MACROD2: variants seen among roughly 807,000 people sequenced by gnomAD.
MACROD2 encodes mono-ADP ribosylhydrolase 2.
MACROD2 carries 36 observed loss-of-function variants against 70.4 expected under a neutral mutation model. The observed-to-expected ratio is 0.51, with a 90% CI of 0.39 to 0.68. The LOEUF (loss-of-function observed/expected upper bound fraction) is 0.68, where lower values mean the gene tolerates loss of function less well. Among genes scored for constraint, MACROD2 ranks in the 30% least tolerant of loss-of-function variants. The probability of loss-of-function intolerance (pLI) is 0.00; values close to 1 mark genes in which losing one functional copy is unlikely to be tolerated. For missense variants in MACROD2, 496 were observed against 538.4 expected, an observed-to-expected ratio of 0.92 and a Z score of 0.78; for synonymous variants, 172 against 178.8, an observed-to-expected ratio of 0.96 and a Z score of 0.30.
chr20:15,133,729 T>C (rs2076123898), intron 5 of MACROD2, among the ~76,000 whole-genome samples: 1 of 152,128 alleles, frequency 6.6e-6, no homozygotes, highest in Admixed American at 6.5e-5. Flanking sequence ...TCCAGCTTTA[T>C]TTATACACCC....
chr20:15,696,558 T>C (rs991149831), intron 8 of MACROD2, among the ~76,000 whole-genome samples: 2 of 152,162 alleles, frequency 1.3e-5, no homozygotes, highest in African/African-American at 4.8e-5. Context: ...GCTGGCTTCA[T>C]AGAATGAATT....
chr20:15,942,736 A>G lies in MACROD2; in HGVS notation c.907+5192A>G, dbSNP rs555695925. Among the ~76,000 whole-genome samples the G allele has an allele frequency of 2.0e-5, 3 of 152,304 alleles. No homozygotes were observed. In the East Asian group the frequency reaches 5.8e-4, roughly 29 times the overall value. ...AGTCAACCTCTTTAAGATAAATAAT[A>G]TGCTCTGTTCTAGTTTTTTCAACAC... On this transcript the variant is annotated intron_variant, in intron 12 of 17. Coordinates refer to ENST00000684519, the MANE Select transcript of MACROD2 (RefSeq NM_001351661.2).
At chr20:15,784,867 G>A (rs2051894339) in intron 8 of MACROD2, among the ~76,000 whole-genome samples, 1 of 152,044 alleles carries the variant, frequency 6.6e-6, no homozygotes. Context: ...TCACGGAGTA[G>A]GCCGGGTGCG....
At chr20:16,018,160 G>A (rs2066954203) in intron 15 of MACROD2, among the ~76,000 whole-genome samples, 2 of 152,194 alleles carry the variant, frequency 1.3e-5, no homozygotes, top group South Asian at 4.1e-4. Flanking sequence ...GCTCAGGAAG[G>A]CCTTATGAGG....
intron 3 of MACROD2, among the ~76,000 whole-genome samples, chr20:14,299,941 G>T (rs1007983720): frequency 6.6e-6 from 1 of 151,722 alleles, no homozygotes. Flanking sequence ...TTTATTCCAA[G>T]AAGCTCGATA....
At chr20:15,362,378 A>G (rs1268991620) in intron 6 of MACROD2, among the ~76,000 whole-genome samples, 1 of 152,118 alleles carries the variant, frequency 6.6e-6, no homozygotes, top group Admixed American at 6.5e-5. Flanking sequence ...TTTCAGTCTT[A>G]GGAAAAACTG....
intron 8 of MACROD2, among the ~76,000 whole-genome samples, chr20:15,699,607 G>C (rs1243488511): frequency 6.6e-6 from 1 of 152,130 alleles, no homozygotes; most frequent in African/African-American, 2.4e-5. Context: ...TGTGTCCCCT[G>C]CCACAGCCCC....
chr20:14,672,664 G>C (rs559820356), intron 4 of MACROD2, among the ~76,000 whole-genome samples: 87 of 152,262 alleles, frequency 5.7e-4, no homozygotes, highest in African/African-American at 1.9e-3. Flanking sequence ...AACTCTACAA[G>C]GTTGATACTA....
At chr20:15,209,717 T>G (rs2076744594) in intron 5 of MACROD2, among the ~76,000 whole-genome samples, 1 of 152,190 alleles carries the variant, frequency 6.6e-6, no homozygotes, top group Non-Finnish European at 1.5e-5. Flanking sequence ...TGCTTGTGGC[T>G]GACAGTACAT....
intron 6 of MACROD2, among the ~76,000 whole-genome samples, chr20:15,350,731 A>G (rs2078218709): frequency 6.6e-6 from 1 of 152,192 alleles, no homozygotes; most frequent in Non-Finnish European, 1.5e-5. Flanking sequence ...ATGATAAAAA[A>G]TGGTATTCTA....
chr20:14,394,902 C>T lies in MACROD2; in HGVS notation c.272-98577C>T, dbSNP rs143298044. Among the ~76,000 whole-genome samples the T allele has an allele frequency of 8.1e-3, 1,226 of 152,116 alleles. 14 individuals are homozygous for T. Among genetic ancestry groups the T allele is most frequent in the African/African-American group, 0.028 (1,165 of 41,496 alleles). The stretch of plus-strand genomic sequence containing the variant: ...TGATATGGTGAATTATATGGGTTGA[C>T]CTTTGAATGTTAAACCATCATTATA... On this transcript the variant is annotated intron_variant, in intron 3 of 17. Transcript: ENST00000684519.
chr20:15,102,624 ATGTATG>A lies in MACROD2; in HGVS notation c.419-127306_419-127301del, dbSNP rs66520978. 3.1e-3 allele frequency among the ~76,000 whole-genome samples: 478 copies of A among 152,160 alleles called. 3 individuals carry two copies. The highest frequency in any genetic ancestry group is 6.8e-3 in the Middle Eastern group (2 of 294). On this transcript the variant is annotated intron_variant, in intron 5 of 17. Transcript: ENST00000684519. ...TTTTGTAAAACAATATTTTCCAAAA[ATGTATG>A]TGTATGTGTGTGCATGTGAACATGT...
chr20:15,365,312 T>TAAGCCACAA (rs968723386), intron 6 of MACROD2, among the ~76,000 whole-genome samples: 2 of 152,186 alleles, frequency 1.3e-5, no homozygotes, highest in Non-Finnish European at 2.9e-5. Flanking sequence ...CTTCGTTCAG[T>TAAGCCACAA]AAGCCACAAA....
chr20:15,594,142 A>G (rs1214174924), intron 8 of MACROD2, among the ~76,000 whole-genome samples: 6 of 152,224 alleles, frequency 3.9e-5, no homozygotes, highest in African/African-American at 1.4e-4. Flanking sequence ...CCTACATGCA[A>G]TAAGACCCAC....
chr20:15,357,284 C>CT (rs944702806), intron 6 of MACROD2, among the ~76,000 whole-genome samples: 1 of 152,078 alleles, frequency 6.6e-6, no homozygotes, highest in Non-Finnish European at 1.5e-5. Context: ...TCAATTATTT[C>CT]TTTTTTTCTA....
chr20:15,431,560 CT>C lies in MACROD2; in HGVS notation c.571+126del, dbSNP rs1418798823. The C allele has an allele frequency of 8.4e-6, 7 of 831,496 alleles. No homozygotes were observed. The Admixed American group carries it at 1.6e-4, about 19-fold the overall frequency. The allele number at this position is 831,496 out of a possible 1,614,324, so 51.5% of individuals were successfully genotyped here. A position where few individuals can be genotyped will look rare whatever the true frequency, so the allele number is the denominator to read the frequency against. On this transcript the variant is annotated intron_variant, in intron 7 of 17. Coordinates refer to ENST00000684519, the MANE Select transcript of MACROD2 (RefSeq NM_001351661.2). ...TGCTGTGATTTAGAGACTAAAAATGCTCGTCAAATCCCATTAAAGAATGTCA... is the reference window on the plus strand; with the variant it reads ...TGCTGTGATTTAGAGACTAAAAATGCCGTCAAATCCCATTAAAGAATGTCA...
At chr20:14,142,753 T>A (rs2054893680) in intron 3 of MACROD2, among the ~76,000 whole-genome samples, 1 of 152,220 alleles carries the variant, frequency 6.6e-6, no homozygotes, top group African/African-American at 2.4e-5. Flanking sequence ...CTTGATAAAC[T>A]TCTATAAAAT....
In MACROD2 at chr20:15,985,665, G is replaced by A. The variant is rs571503188; in HGVS notation, c.986-1062G>A. 447 of 152,568 alleles carry A rather than the reference G, an allele frequency of 2.9e-3. 3 individuals are homozygous for A. Among genetic ancestry groups the A allele is most frequent in the Middle Eastern group, 6.8e-3 (2 of 296 alleles). The allele number at this position is 152,568 out of a possible 1,614,324, so 9.5% of individuals were successfully genotyped here. ...TTGGATCCTGTCACTCAGGCTGGCCGGAGTCCCCCGCAGGATGCTCCACAG... is the reference window on the plus strand; with the variant it reads ...TTGGATCCTGTCACTCAGGCTGGCCAGAGTCCCCCGCAGGATGCTCCACAG... On this transcript the variant is annotated intron_variant, in intron 13 of 17. Coordinates refer to ENST00000684519, the MANE Select transcript of MACROD2 (RefSeq NM_001351661.2).
At chr20:14,893,211 G>A (rs1422921132) in intron 5 of MACROD2, 1 of 151,930 alleles carries the variant, frequency 6.6e-6, no homozygotes, top group African/African-American at 2.4e-5. Context: ...ATGAACATTT[G>A]GGTTACTTCC....
Sources: gnomAD v4.1 joint callset for allele counts (sites outside exome capture counted in the v4.1 genomes callset) on GRCh38, gnomAD v4.1.1 for gene constraint, MANE v1.5 for transcripts, NCBI Gene and HGNC (gene_info 2026-07-23, HGNC 2026-07-21) for gene names.